The following ZCCHC2 variants were observed in gnomAD, a reference collection of about 807,000 sequenced individuals.
ZCCHC2 encodes the protein zinc finger CCHC-type containing 2, also known as zinc finger CCHC domain-containing protein 2.
Under a neutral mutation model 103.6 loss-of-function variants are expected in ZCCHC2, and 39 were observed. That is an observed-to-expected ratio of 0.38 (90% CI 0.29 to 0.49). ZCCHC2 has a LOEUF of 0.49. ZCCHC2 is among the 20% of genes least tolerant of loss of function. The probability of loss-of-function intolerance (pLI) is 0.96; values close to 1 mark genes in which losing one functional copy is unlikely to be tolerated. For missense variants in ZCCHC2, 1,483 were observed against 1,491.0 expected (o/e 0.99, Z 0.09); for synonymous variants, 687 against 608.9 (o/e 1.13, Z -1.89).
At chr18:62,559,466 A>G (rs543994681) in intron 7 of ZCCHC2, among the ~76,000 whole-genome samples, 6 of 152,382 alleles carry the variant, frequency 3.9e-5, no homozygotes, top group South Asian at 2.1e-4. Flanking sequence ...GCAGATTGAC[A>G]AAACATTTTG....
chr18:62,560,537 G>GT, intron 7 of ZCCHC2, 50 bp from the exon 8 acceptor site: 1 of 1,523,194 alleles, frequency 6.6e-7, no homozygotes, highest in East Asian at 2.3e-5. Context: ...CCTACTGTTG[G>GT]TTTTTGCTGC....
chr18:62,567,450 A>G (rs1043764489), intron 11 of ZCCHC2, among the ~76,000 whole-genome samples: 3 of 152,156 alleles, frequency 2.0e-5, no homozygotes, highest in African/African-American at 7.2e-5. Flanking sequence ...TTCTGTTTTG[A>G]GTGATAATCC....
intron 3 of ZCCHC2, among the ~76,000 whole-genome samples, chr18:62,542,829 G>C (rs1915258138): frequency 1.3e-5 from 2 of 152,226 alleles, no homozygotes; most frequent in African/African-American, 4.8e-5. Context: ...TAAGATGTAA[G>C]ATACATCTTT....
Position 62,561,610 on chromosome 18 carries a change from C to T in ZCCHC2, c.1550+966C>T, listed in dbSNP as rs73963452. 4.8e-3 allele frequency among the ~76,000 whole-genome samples: 736 copies of T among 152,284 alleles called. 10 individuals carry two copies. The highest frequency in any genetic ancestry group is 0.017 in the African/African-American group (706 of 41,552). ...CTGTGGACTCTTCATTGCAGTCCTT[C>T]GCCATTTCATCCTCTCCACTCCCTT... On this transcript the variant is annotated intron_variant, in intron 8 of 13. Coordinates refer to ENST00000269499, the MANE Select transcript of ZCCHC2 (RefSeq NM_017742.6).
chr18:62,545,048 T>G (rs1915353344), intron 4 of ZCCHC2, among the ~76,000 whole-genome samples, 175 bp downstream of exon 4: 1 of 152,202 alleles, frequency 6.6e-6, no homozygotes, highest in Non-Finnish European at 1.5e-5. Context: ...TTTTCTTACC[T>G]GACATTACCA....
intron 4 of ZCCHC2, among the ~76,000 whole-genome samples, chr18:62,547,539 G>A (rs1915471686): frequency 6.7e-6 from 1 of 149,890 alleles, no homozygotes; most frequent in African/African-American, 2.5e-5. Flanking sequence ...CTGTTTTTGT[G>A]GGTTTGTTTG....
chr18:62,575,632 T>G, intron 13 of ZCCHC2, 82 bp downstream of exon 13: 2 of 1,469,204 alleles, frequency 1.4e-6, no homozygotes, highest in Admixed American at 2.2e-5. Flanking sequence ...GGGATTCTGT[T>G]GTAGCAGAAA....
At chr18:62,531,031 A>C (rs776487568) in intron 1 of ZCCHC2, among the ~76,000 whole-genome samples, 1 of 151,764 alleles carries the variant, frequency 6.6e-6, no homozygotes, top group African/African-American at 2.4e-5. Flanking sequence ...CTCACTTAAT[A>C]TTTTTCTCTT....
chr18:62,551,479 T>C (rs1915662205), intron 5 of ZCCHC2: 1 of 152,348 alleles, frequency 6.6e-6, no homozygotes. Flanking sequence ...GGAAAAAATG[T>C]TCAGTTTTTA....
intron 11 of ZCCHC2, among the ~76,000 whole-genome samples, chr18:62,568,467 G>T (rs1001153435): frequency 6.6e-6 from 1 of 152,128 alleles, no homozygotes; most frequent in African/African-American, 2.4e-5. Context: ...AAAAAGTTAC[G>T]TTAGTATAGA....
At position 62,576,571 on chromosome 18, in the gene ZCCHC2, G is replaced by T. The variant is rs1483985849; in HGVS notation, c.3529G>T (p.Ala1177Ser). 6.2e-7 allele frequency: 1 copy of T among 1,613,622 alleles called. No individual in the cohort carries two copies. Among genetic ancestry groups the T allele is most frequent in the Non-Finnish European group, 8.5e-7 (1 of 1,179,628 alleles). Residue 1177 changes from alanine (A) to serine (S), a missense_variant, in exon 14 of 14, where the codon GCA (alanine) becomes TCA (serine). Transcript: ENST00000269499. ...LPPSNDTLDS[A>S]D ...CCCTTCTAATGATACGTTGGATTCT[G>T]CAGACTGAAACGAGTAAAGCTTGCC... is the stretch of plus-strand genomic sequence containing the variant.
At chr18:62,581,793 C>T (rs59488042), downstream of ZCCHC2, 188 of 8,676 alleles carry the variant, frequency 0.022, 23 homozygotes, top group Middle Eastern at 0.17. Flanking sequence ...GGTGTCACAG[C>T]GCTGTGGAAG....
chr18:62,549,337 A>G (rs572005394), intron 4 of ZCCHC2, among the ~76,000 whole-genome samples: 10 of 152,264 alleles, frequency 6.6e-5, no homozygotes, highest in Non-Finnish European at 1.3e-4. Context: ...TCATTCTGAC[A>G]GAGCATCTTG....
At chr18:62,560,337 A>C (rs1307707073) in intron 7 of ZCCHC2, 1 of 362,436 alleles carries the variant, frequency 2.8e-6, no homozygotes, top group Non-Finnish European at 5.0e-6. Flanking sequence ...ACATGCTCAT[A>C]TAGACTTTCA....
chr18:62,555,537 A>G (rs1225093953), intron 5 of ZCCHC2, among the ~76,000 whole-genome samples: 1 of 152,218 alleles, frequency 6.6e-6, no homozygotes, highest in Non-Finnish European at 1.5e-5. Flanking sequence ...GGCCAGGCTC[A>G]GTGGCTCACG....
chr18:62,524,173 G>A lies in ZCCHC2; in HGVS notation c.749G>A (p.Gly250Glu). Residue 250 changes from glycine (G) to glutamate (E), a missense_variant, in exon 1 of 14, where the codon GGG (glycine) becomes GAG (glutamate). Around this residue, in one of 3 missense-constraint regions of ZCCHC2, gnomAD observed 568 missense variants for 525.1 expected, o/e 1.08. Transcript: ENST00000269499. Reference protein sequence around the residue: ...GGIVEPRVGGGLGSRAQEELL... With the variant: ...GGIVEPRVGGELGSRAQEELL... ...ATTGTGGAGCCCCGGGTCGGCGGCG[G>A]GCTTGGCTCCAGGGCCCAGGAGGAA... The A allele has an allele frequency of 5.2e-6, 8 of 1,547,586 alleles. No homozygotes were observed. The South Asian group carries it at 8.3e-5, about 16-fold the overall frequency.
Position 62,523,544 on chromosome 18 carries a change from C to T in ZCCHC2, c.120C>T (p.Asp40=). 2.2e-6 allele frequency: 2 copies of T among 921,430 alleles called. No homozygotes were observed. Among genetic ancestry groups the T allele is most frequent in the South Asian group, 1.0e-4 (2 of 19,786 alleles). 57.1% of individuals were successfully genotyped at this position (921,430 alleles called of 1,614,324 possible). ...GAKAPSRRRR[D]CRPPPPPPPP... ...AGGCGCCTTCGCGCCGCCGCCGCGA[C>T]TGCCGCCCCCCGCCGCCGCCGCCGC... is the stretch of plus-strand genomic sequence containing the variant. Residue 40 remains aspartate, a synonymous_variant, in exon 1 of 14, where the codon GAC becomes GAT. Transcript: ENST00000269499.
chr18:62,532,235 GACTC>G (rs1367266499), intron 1 of ZCCHC2, among the ~76,000 whole-genome samples: 3 of 152,150 alleles, frequency 2.0e-5, no homozygotes, highest in Non-Finnish European at 4.4e-5. Flanking sequence ...AAATCTTCCA[GACTC>G]ACTCAGTTCT....
chr18:62,532,540 CAA>C (rs1252552296), intron 1 of ZCCHC2, among the ~76,000 whole-genome samples: 1 of 152,202 alleles, frequency 6.6e-6, no homozygotes, highest in East Asian at 1.9e-4. Context: ...CCTTTAGACT[CAA>C]AATCTCCTCC....
Sources: allele counts gnomAD v4.1 joint callset (sites outside exome capture counted in the v4.1 genomes callset), GRCh38; gene constraint gnomAD v4.1.1; regional missense constraint gnomAD v4.1.1; transcripts MANE v1.5; gene names NCBI Gene and HGNC (gene_info 2026-07-23, HGNC 2026-07-21).